VSX1: variants seen among roughly 807,000 people sequenced by gnomAD.
VSX1 encodes homeodomain protein RINX.
VSX1 carries 23 observed loss-of-function variants against 23.6 expected under a neutral mutation model. The observed-to-expected ratio is 0.97, with a 90% CI of 0.70 to 1.38. The LOEUF (loss-of-function observed/expected upper bound fraction) is 1.38, where lower values mean the gene tolerates loss of function less well. Among genes scored for constraint, VSX1 ranks in the 40% most tolerant of loss-of-function variants. The probability of loss-of-function intolerance (pLI) is 0.00; values close to 1 mark genes in which losing one functional copy is unlikely to be tolerated. For synonymous variants in VSX1, 247 were observed against 215.1 expected, an observed-to-expected ratio of 1.15 and a Z score of -1.30; for missense variants, 517 against 495.4, an observed-to-expected ratio of 1.04 and a Z score of -0.41.
downstream of VSX1, among the ~76,000 whole-genome samples, chr20:25,075,244 C>A (rs1320498443): frequency 6.6e-6 from 1 of 152,202 alleles, no homozygotes; most frequent in Non-Finnish European, 1.5e-5. Context: ...ATTTTCCCAT[C>A]AACTAGAAGG....
intron 4 of VSX1, 122 bp downstream of exon 4, chr20:25,077,562 AC>A: frequency 8.5e-7 from 1 of 1,179,232 alleles, no homozygotes. Flanking sequence ...ACGGTTCTGG[AC>A]CTGAATCTCA....
chr20:25,074,513 T>G (rs1191354469), downstream of VSX1, among the ~76,000 whole-genome samples: 3 of 152,210 alleles, frequency 2.0e-5, no homozygotes, highest in Non-Finnish European at 2.9e-5. Context: ...GTCCACTACT[T>G]GTATATTTTG....
downstream of VSX1, chr20:25,072,411 C>T (rs147700812): frequency 1.2e-3 from 508 of 429,666 alleles, 4 homozygotes; most frequent in African/African-American, 9.4e-3. Context: ...TCTGTCCACA[C>T]GTGTGTGTGC....
chr20:25,071,680 G>A (rs962293568), downstream of VSX1: 1 of 629,734 alleles, frequency 1.6e-6, no homozygotes. Context: ...TAGCTGTCAT[G>A]ACTGCAGGTT....
At chr20:25,071,103 C>T (rs763214599), downstream of VSX1, 14 of 453,892 alleles carry the variant, frequency 3.1e-5, no homozygotes, top group Admixed American at 2.4e-4. Flanking sequence ...AAAGAGGAGA[C>T]GACCACAGCT....
chr20:25,073,055 C>A (rs1300152225), downstream of VSX1, among the ~76,000 whole-genome samples: 1 of 152,078 alleles, frequency 6.6e-6, no homozygotes, highest in East Asian at 1.9e-4. Context: ...TTGAGAGGAC[C>A]ACGTGTAAAA....
rs915676644 is a variant in VSX1, at chr20:25,082,062, G to T, written c.35C>A (p.Thr12Asn). The T allele has an allele frequency of 3.2e-6, 5 of 1,538,756 alleles. No individual in the cohort carries two copies. Among genetic ancestry groups the T allele is most frequent in the Non-Finnish European group, 4.4e-6 (5 of 1,148,506 alleles). Residue 12 changes from threonine (T) to asparagine (N), a missense_variant, in exon 1 of 5, where the codon ACT becomes AAT. Thr to Asn is a moderately conservative substitution (Grantham distance 65). Transcript: ENST00000376709. ...TGRDSLSDGR[T>N]SSRALVPGGS... ...GCCAGGCACCAGCGCCCTGCTGCTA[G>T]TGCGCCCGTCGGAAAGCGAGTCCCG...
chr20:25,071,680 G>T, downstream of VSX1: 1 of 629,734 alleles, frequency 1.6e-6, no homozygotes, highest in Non-Finnish European at 2.9e-6. Flanking sequence ...TAGCTGTCAT[G>T]ACTGCAGGTT....
chr20:25,081,565 G>A (rs557065435), intron 1 of VSX1, 108 bp downstream of exon 1: 4 of 1,519,164 alleles, frequency 2.6e-6, no homozygotes, highest in African/African-American at 1.4e-5. Context: ...TCCCCGCCTA[G>A]ATCTGGGCCG....
chr20:25,078,716 A>T, intron 3 of VSX1, 113 bp downstream of exon 3: 1 of 1,613,218 alleles, frequency 6.2e-7, no homozygotes, highest in South Asian at 1.1e-5. Context: ...CTCAGTTTCT[A>T]TGCAAAGGGA....
downstream of VSX1, chr20:25,071,699 T>G (rs1284164810): frequency 1.5e-6 from 1 of 653,394 alleles, no homozygotes. Context: ...TTTATTCTCA[T>G]CAGCTGGTAA....
At position 25,079,511 on chromosome 20, in the gene VSX1, T is replaced by C. The variant is rs1279480463; in HGVS notation, c.428A>G (p.Glu143Gly). ...ATTCCTGTCTTCAGACTGGCTGTCC[T>C]CATCTGATGGCACAGAAAGAAGAAG... Reference protein sequence around the residue: ...KRSDSVSTSDEDSQSEDRNDL... With the variant: ...KRSDSVSTSDGDSQSEDRNDL... The change falls in exon 2 of 5, where the codon GAG becomes GGG. Residue 143 changes from glutamate (E) to glycine (G), a missense_variant. Glu to Gly is a moderately conservative substitution (Grantham distance 98). Coordinates refer to ENST00000376709, the MANE Select transcript of VSX1 (RefSeq NM_014588.6). 6.2e-7 allele frequency: 1 copy of C among 1,611,288 alleles called. No homozygotes were observed. Among genetic ancestry groups the C allele is most frequent in the East Asian group, 2.2e-5 (1 of 44,878 alleles).
Position 25,076,217 on chromosome 20 carries a change from G to A in VSX1, c.*44C>T, listed in dbSNP as rs775173461. ...TTTGTCTTTTGGAAAATGCCAGTGA[G>A]GAATATGCACATTTTCAGCCTTTGA... On this transcript the variant is annotated 3_prime_UTR_variant, in exon 5 of 5. Coordinates refer to ENST00000376709, the MANE Select transcript of VSX1 (RefSeq NM_014588.6). 1.2e-6 allele frequency: 2 copies of A among 1,612,214 alleles called. No homozygotes were observed. Among genetic ancestry groups the A allele is most frequent in the Non-Finnish European group, 1.7e-6 (2 of 1,179,494 alleles).
At position 25,079,447 on chromosome 20, in the gene VSX1, CTTCT is replaced by C; in HGVS notation, c.488_491del (p.Lys163SerfsTer36). 6.2e-7 allele frequency: 1 copy of C among 1,612,366 alleles called. No individual in the cohort carries two copies. The highest frequency in any genetic ancestry group is 8.5e-7 in the Non-Finnish European group (1 of 1,179,672). Reference sequence around the variant, plus strand: ...GCCTGGCCCTATACCTGTGCCGCCGCTTCTTCCTCTTGCCCAAGGTGGGGGATGC... The same window carrying C: ...GCCTGGCCCTATACCTGTGCCGCCGCTCCTCTTGCCCAAGGTGGGGGATGC... On this transcript the variant is annotated frameshift_variant, in exon 2 of 5. Transcript: ENST00000376709. LOFTEE classifies it high-confidence loss of function.
downstream of VSX1, among the ~76,000 whole-genome samples, chr20:25,072,320 T>C (rs2089396908): frequency 6.6e-6 from 1 of 152,208 alleles, no homozygotes; most frequent in Admixed American, 6.5e-5. Flanking sequence ...ACAGGTCCAA[T>C]TGTATGTTTT....
rs1465358682 is a variant in VSX1, at chr20:25,076,294, C to A, written c.1065G>T (p.Glu355Asp). Reference sequence around the variant, plus strand: ...CTCCCACCTTCCCTGGCTGGGGCCCCTCCAGTGCCGTGGAGTTGGAGCCTC... The same window carrying A: ...CTCCCACCTTCCCTGGCTGGGGCCCATCCAGTGCCGTGGAGTTGGAGCCTC... ...AQGGSNSTAL[E>D]GPQPGKVGAT Residue 355 changes from glutamate to aspartate, a missense_variant, in exon 5 of 5, where the codon GAG becomes GAT. Coordinates refer to ENST00000376709, the MANE Select transcript of VSX1 (RefSeq NM_014588.6). 2 of 1,614,228 alleles carry A rather than the reference C, an allele frequency of 1.2e-6. No homozygotes were observed. The highest frequency in any genetic ancestry group is 3.3e-5 in the Admixed American group (2 of 60,022).
intron 3 of VSX1, chr20:25,078,481 G>GC: frequency 2.5e-6 from 3 of 1,214,100 alleles, no homozygotes; most frequent in Non-Finnish European, 3.2e-6. Flanking sequence ...ACTCCACAAA[G>GC]TAGAGAAAGG....
chr20:25,079,061 G>C (rs1334367997), intron 2 of VSX1, 109 bp from the exon 3 acceptor site: 1 of 1,313,774 alleles, frequency 7.6e-7, no homozygotes, highest in Non-Finnish European at 1.1e-6. Flanking sequence ...GACCCTAGAA[G>C]CCACTTCATG....
rs561085118 is a variant in VSX1 at position 25,076,169 on chromosome 20, G to A, written c.*92C>T. The A allele has an allele frequency of 1.9e-6, 3 of 1,554,532 alleles. No homozygotes were observed. Among genetic ancestry groups the A allele is most frequent in the Admixed American group, 1.7e-5 (1 of 59,564 alleles). On this transcript the variant is annotated 3_prime_UTR_variant, in exon 5 of 5. Coordinates refer to ENST00000376709, the MANE Select transcript of VSX1 (RefSeq NM_014588.6). ...GACATTGTCAGAAGAAAATCAAACT[G>A]AGAGTATATGTCTTGGACAATTTTT...
Sources: gnomAD v4.1 joint callset for allele counts (sites outside exome capture counted in the v4.1 genomes callset) on GRCh38, gnomAD v4.1.1 for gene constraint, MANE v1.5 for transcripts, NCBI Gene and HGNC (gene_info 2026-07-23, HGNC 2026-07-21) for gene names.